ADGRV1: variants seen among roughly 807,000 people sequenced by gnomAD.
ADGRV1 encodes G-protein coupled receptor 98.
ADGRV1 carries 359 observed loss-of-function variants against 596.2 expected under a neutral mutation model. The observed-to-expected ratio is 0.60, with a 90% confidence interval of 0.55 to 0.66. ADGRV1 has a LOEUF of 0.66. ADGRV1 is among the 30% of genes least tolerant of loss of function. The pLI is 0.00. For missense variants in ADGRV1, 7,274 were observed against 7,575.6 expected (o/e 0.96, Z 1.48); for synonymous variants, 2,681 against 2,679.2 (o/e 1.00, Z -0.02).
chr5:90,753,637 C>G lies in ADGRV1; in HGVS notation c.11185C>G (p.Pro3729Ala). ...ITLTILADNIPELSEVVIVTL... is the reference protein window; with the variant it reads ...ITLTILADNIAELSEVVIVTL... ...TCTAACTATTCTTGCTGATAATATA[C>G]CAGAGTTATCAGAGGTTGTGATTGT... Residue 3729 changes from proline to alanine, a missense_variant, in exon 54 of 90, where the codon CCA (proline) becomes GCA (alanine). Pro to Ala is a conservative substitution (Grantham distance 27, BLOSUM62 -1). This residue lies in a region of ADGRV1 where 3,643 missense variants were observed against 3,809.2 expected (regional missense o/e 0.96). Transcript: ENST00000405460. The G allele has an allele frequency of 6.2e-7, 1 of 1,611,462 alleles. No individual in the cohort carries two copies. The highest frequency in any genetic ancestry group is 8.5e-7 in the Non-Finnish European group (1 of 1,177,768).
intron 1 of ADGRV1, among the ~76,000 whole-genome samples, chr5:90,589,025 T>A (rs1433705295): frequency 1.3e-5 from 2 of 152,182 alleles, no homozygotes; most frequent in East Asian, 3.8e-4. Context: ...GTATTGTCTT[T>A]CAAGAAACAC....
chr5:90,751,648 G>T (rs977215965), intron 53 of ADGRV1, among the ~76,000 whole-genome samples: 6 of 152,156 alleles, frequency 3.9e-5, no homozygotes, highest in Middle Eastern at 3.4e-3. Context: ...GCTTGCCTTT[G>T]GTTTCATAGA....
chr5:91,069,736 C>T (rs151229922), intron 85 of ADGRV1, among the ~76,000 whole-genome samples: 8 of 152,220 alleles, frequency 5.3e-5, no homozygotes, highest in Admixed American at 2.0e-4. Flanking sequence ...AGCTCTTTGT[C>T]CCAGCAATCC....
chr5:91,103,111 C>T (rs1791537853), intron 87 of ADGRV1, among the ~76,000 whole-genome samples: 1 of 152,156 alleles, frequency 6.6e-6, no homozygotes, highest in Non-Finnish European at 1.5e-5. Context: ...TACACACCTT[C>T]AGAATTGTAG....
chr5:90,994,348 C>G (rs565547965), intron 85 of ADGRV1, among the ~76,000 whole-genome samples: 2 of 152,306 alleles, frequency 1.3e-5, no homozygotes, highest in South Asian at 4.1e-4. Context: ...CAGGCATGAG[C>G]TGCCATGCCC....
intron 6 of ADGRV1, chr5:90,626,073 G>A (rs887191583): frequency 3.3e-5 from 5 of 152,064 alleles, no homozygotes; most frequent in Non-Finnish European, 7.4e-5. Context: ...GAGAAAACAT[G>A]ACTTTTTATA....
At chr5:90,578,042 A>C (rs930191120) in intron 1 of ADGRV1, among the ~76,000 whole-genome samples, 1 of 152,198 alleles carries the variant, frequency 6.6e-6, no homozygotes, top group Non-Finnish European at 1.5e-5. Context: ...TAAATATACA[A>C]TCATGTCATC....
At chr5:90,739,880 G>A (rs1438674009) in intron 50 of ADGRV1, among the ~76,000 whole-genome samples, 1 of 152,170 alleles carries the variant, frequency 6.6e-6, no homozygotes, top group Non-Finnish European at 1.5e-5. Flanking sequence ...CTGAGGTTTG[G>A]TTTAGTAGCT....
intron 77 of ADGRV1, among the ~76,000 whole-genome samples, chr5:90,832,793 A>T (rs1764631956): frequency 6.6e-6 from 1 of 152,134 alleles, no homozygotes; most frequent in Non-Finnish European, 1.5e-5. Context: ...AGAGATAGGG[A>T]TCTAGTTTCA....
At chr5:91,079,293 C>A (rs193016928) in intron 86 of ADGRV1, among the ~76,000 whole-genome samples, 3 of 152,284 alleles carry the variant, frequency 2.0e-5, no homozygotes, top group East Asian at 1.9e-4. Context: ...TTGAAAAAAT[C>A]TTTGTGAAGC....
intron 77 of ADGRV1, among the ~76,000 whole-genome samples, chr5:90,834,873 CTCTT>C (rs966430369): frequency 5.3e-5 from 8 of 150,632 alleles, no homozygotes; most frequent in South Asian, 2.1e-4. Flanking sequence ...TTCTTTCTTT[CTCTT>C]TCTTTCTTTT....
intron 85 of ADGRV1, among the ~76,000 whole-genome samples, chr5:91,009,120 A>G (rs1782525390): frequency 6.6e-6 from 1 of 152,196 alleles, no homozygotes; most frequent in African/African-American, 2.4e-5. Flanking sequence ...TCATAGAAGT[A>G]AATCACAGAG....
Position 90,986,147 on chromosome 5 carries a change from G to T in ADGRV1, c.18152+625G>T, listed in dbSNP as rs192234495. 1.1e-4 allele frequency among the ~76,000 whole-genome samples: 16 copies of T among 146,766 alleles called. 1 individual carries two copies. Among genetic ancestry groups the T allele is most frequent in the Admixed American group, 7.6e-4 (11 of 14,566 alleles). The stretch of plus-strand genomic sequence containing the variant: ...ATATATGTGACTTAATCCTAAATCC[G>T]GTATGTTGTAGCTTTGAGGACCACT... On this transcript the variant is annotated intron_variant, in intron 85 of 89. Transcript: ENST00000405460.
chr5:91,097,595 T>C (rs539988564), intron 86 of ADGRV1, among the ~76,000 whole-genome samples: 1 of 152,320 alleles, frequency 6.6e-6, no homozygotes, highest in East Asian at 1.9e-4. Flanking sequence ...TACCTACAAG[T>C]GGAATTGTTG....
chr5:90,694,711 G>C lies in ADGRV1; in HGVS notation c.7945+10G>C, dbSNP rs775717140. 9 of 1,539,596 alleles carry C rather than the reference G, an allele frequency of 5.8e-6. No individual in the cohort carries two copies. Among genetic ancestry groups the C allele is most frequent in the Non-Finnish European group, 7.9e-6 (9 of 1,146,488 alleles). On this transcript the variant is annotated intron_variant, in intron 33 of 89. Coordinates refer to ENST00000405460, the MANE Select transcript of ADGRV1 (RefSeq NM_032119.4). ...CTGACCTTTGCTGAAGGTGAGCAAT[G>C]GTTCTAAATGAATTTCCGTTGCCCC...
intron 20 of ADGRV1, chr5:90,654,400 G>A (rs1769099980): frequency 5.2e-6 from 1 of 190,998 alleles, no homozygotes; most frequent in Admixed American, 5.4e-5. Context: ...TGGGCGTGAG[G>A]TTGAAAAGAA....
At chr5:91,109,227 T>G (rs1466766525) in intron 87 of ADGRV1, among the ~76,000 whole-genome samples, 1 of 152,222 alleles carries the variant, frequency 6.6e-6, no homozygotes, top group African/African-American at 2.4e-5. Context: ...CTATCCTTAT[T>G]ATTTACATTT....
At chr5:90,894,339 G>A (rs1043934634) in intron 83 of ADGRV1, among the ~76,000 whole-genome samples, 1 of 152,098 alleles carries the variant, frequency 6.6e-6, no homozygotes, top group African/African-American at 2.4e-5. Context: ...CTCATTCTCT[G>A]CTGTTACTTA....
chr5:90,634,749 C>G (rs536434161), intron 9 of ADGRV1, among the ~76,000 whole-genome samples: 1 of 152,190 alleles, frequency 6.6e-6, no homozygotes, highest in African/African-American at 2.4e-5. Flanking sequence ...ACAGTGATTT[C>G]TGTTTTGGAT....
Sources: allele counts gnomAD v4.1 joint callset (sites outside exome capture counted in the v4.1 genomes callset), GRCh38; gene constraint gnomAD v4.1.1; regional missense constraint gnomAD v4.1.1; transcripts MANE v1.5; gene names NCBI Gene and HGNC (gene_info 2026-07-23, HGNC 2026-07-21).